The following EPB41L4B variants were observed in gnomAD, a reference collection of about 807,000 sequenced individuals.
EPB41L4B encodes band 4.1-like protein 4B.
A neutral mutation model predicts 112.5 loss-of-function variants in EPB41L4B; 30 were observed. The ratio of observed to expected loss-of-function variants is 0.27; its 90% confidence interval spans 0.20 to 0.36. EPB41L4B has a LOEUF of 0.36. EPB41L4B is among the 10% of genes least tolerant of loss of function. The pLI is 1.00. For missense variants in EPB41L4B, 1,024 were observed against 1,133.3 expected (o/e 0.90, Z 1.38); for synonymous variants, 408 against 439.7 (o/e 0.93, Z 0.90).
Position 109,172,647 on chromosome 9 carries a change from C to T in EPB41L4B, c.*1907G>A, listed in dbSNP as rs1344297526. On this transcript the variant is annotated 3_prime_UTR_variant, in exon 26 of 26. Transcript: ENST00000374566. ...CTGATGTTTATAATCATGACCATGA[C>T]TCATCAAGAAAAGGTTAAATACTCT... The T allele has an allele frequency of 6.6e-6, 1 of 152,106 alleles. No homozygotes were observed. The highest frequency in any genetic ancestry group is 6.6e-5 in the Admixed American group (1 of 15,266). The allele number at this position is 152,106 out of a possible 1,614,324, so 9.4% of individuals were successfully genotyped here. A position where few individuals can be genotyped will look rare whatever the true frequency, so the allele number is the denominator to read the frequency against.
At chr9:109,303,239 G>T (rs917573546) in intron 1 of EPB41L4B, among the ~76,000 whole-genome samples, 2 of 151,936 alleles carry the variant, frequency 1.3e-5, no homozygotes, top group Non-Finnish European at 2.9e-5. Flanking sequence ...ATCACTTGGT[G>T]AAAGTGATAA....
chr9:109,185,057 A>G (rs1391502564), intron 23 of EPB41L4B, among the ~76,000 whole-genome samples: 1 of 152,218 alleles, frequency 6.6e-6, no homozygotes. Context: ...CTAAATTGGG[A>G]TGACAGGTAA....
intron 1 of EPB41L4B, among the ~76,000 whole-genome samples, chr9:109,284,409 T>C (rs1466064808): frequency 4.6e-5 from 7 of 152,204 alleles, no homozygotes; most frequent in Non-Finnish European, 1.0e-4. Flanking sequence ...GATGGCTTTG[T>C]TCCCAAGTTT....
chr9:109,179,976 T>A (rs1214618337), intron 24 of EPB41L4B, among the ~76,000 whole-genome samples: 1 of 152,098 alleles, frequency 6.6e-6, no homozygotes, highest in Non-Finnish European at 1.5e-5. Context: ...CTGCTCAAAG[T>A]CCCTCAAAGA....
At chr9:109,230,720 A>T (rs1361677528) in intron 15 of EPB41L4B, among the ~76,000 whole-genome samples, 1 of 152,254 alleles carries the variant, frequency 6.6e-6, no homozygotes, top group Non-Finnish European at 1.5e-5. Context: ...TTCGAAGAAA[A>T]TTGTATCGAC....
intron 15 of EPB41L4B, chr9:109,240,584 G>A: frequency 1.0e-6 from 1 of 985,328 alleles, no homozygotes. Flanking sequence ...GCTTGAAATG[G>A]GGGAAATAAA....
At chr9:109,221,500 T>C (rs1436298739) in intron 15 of EPB41L4B, among the ~76,000 whole-genome samples, 2 of 152,020 alleles carry the variant, frequency 1.3e-5, no homozygotes, top group African/African-American at 4.8e-5. Context: ...TGCCGCCAGC[T>C]TATTAAAGGT....
chr9:109,296,149 A>T (rs1475446664), intron 1 of EPB41L4B, among the ~76,000 whole-genome samples: 1 of 152,258 alleles, frequency 6.6e-6, no homozygotes, highest in African/African-American at 2.4e-5. Flanking sequence ...AGAAACGTGA[A>T]CAGAAAGGAC....
intron 15 of EPB41L4B, among the ~76,000 whole-genome samples, chr9:109,242,280 G>A (rs979404486): frequency 2.6e-5 from 4 of 152,312 alleles, no homozygotes; most frequent in African/African-American, 9.6e-5. Flanking sequence ...GTAGGTCTGG[G>A]GTGGGGCTGA....
chr9:109,226,626 A>ATGTATG (rs1554750150), intron 15 of EPB41L4B, among the ~76,000 whole-genome samples: 2 of 132,264 alleles, frequency 1.5e-5, no homozygotes, highest in African/African-American at 5.8e-5. Flanking sequence ...ATATATATAT[A>ATGTATG]TATGAAGAAT....
chr9:109,211,642 G>A (rs899713808), intron 17 of EPB41L4B, among the ~76,000 whole-genome samples: 6 of 151,002 alleles, frequency 4.0e-5, no homozygotes, highest in Non-Finnish European at 8.9e-5. Context: ...TTGTGTGTGT[G>A]TGTGTCGGGA....
chr9:109,294,450 A>G (rs957989287), intron 1 of EPB41L4B, among the ~76,000 whole-genome samples: 1 of 152,014 alleles, frequency 6.6e-6, no homozygotes, highest in Non-Finnish European at 1.5e-5. Flanking sequence ...CCTGATCTCT[A>G]CTAAAAATAA....
At chr9:109,179,640 G>A (rs1471086392) in intron 24 of EPB41L4B, among the ~76,000 whole-genome samples, 1 of 152,090 alleles carries the variant, frequency 6.6e-6, no homozygotes. Context: ...TCCCAACCAA[G>A]TCTTTTTCCA....
At chr9:109,287,029 A>G (rs985508365) in intron 1 of EPB41L4B, among the ~76,000 whole-genome samples, 3 of 152,260 alleles carry the variant, frequency 2.0e-5, no homozygotes, top group Non-Finnish European at 4.4e-5. Flanking sequence ...TTTTTGAGTC[A>G]GTCTATGTCT....
At chr9:109,194,194 C>A in intron 21 of EPB41L4B, 26 bp downstream of exon 21, 1 of 1,603,790 alleles carries the variant, frequency 6.2e-7, no homozygotes, top group East Asian at 2.2e-5. Context: ...TGTGGCTGCT[C>A]GCCAGGGCTT....
At chr9:109,298,244 A>T (rs1030361216) in intron 1 of EPB41L4B, among the ~76,000 whole-genome samples, 2 of 151,936 alleles carry the variant, frequency 1.3e-5, no homozygotes, top group Non-Finnish European at 2.9e-5. Context: ...CTTGACTATA[A>T]GTTCACCACA....
intron 15 of EPB41L4B, among the ~76,000 whole-genome samples, chr9:109,228,845 A>G (rs1347623992): frequency 6.6e-6 from 1 of 152,154 alleles, no homozygotes; most frequent in Non-Finnish European, 1.5e-5. Flanking sequence ...ACTATTACAA[A>G]TTGTGGGTTC....
chr9:109,279,696 G>A, intron 2 of EPB41L4B, 121 bp downstream of exon 2: 1 of 819,262 alleles, frequency 1.2e-6, no homozygotes, highest in South Asian at 1.7e-5. Flanking sequence ...CCCAATGCCT[G>A]TTACTGGCAC....
intron 1 of EPB41L4B, among the ~76,000 whole-genome samples, chr9:109,288,679 T>C (rs573408796): frequency 0.15 from 18,486 of 126,786 alleles, 1,448 homozygotes; most frequent in Middle Eastern, 0.27. Context: ...GCCGAGATCG[T>C]GCCACTGCAC....
Sources: gnomAD v4.1 joint callset for allele counts (sites outside exome capture counted in the v4.1 genomes callset) on GRCh38, gnomAD v4.1.1 for gene constraint, MANE v1.5 for transcripts, NCBI Gene and HGNC (gene_info 2026-07-23, HGNC 2026-07-21) for gene names.